Variants in ENTREP2 observed in about 807,000 individuals in gnomAD.
The protein encoded by ENTREP2 is endosomal transmembrane epsin interactor 2.
At chr15:29,361,102 ACT>A in the ENTREP2 span, among the ~76,000 whole-genome samples, 1 of 151,870 alleles carries the variant, frequency 6.6e-6, no homozygotes, top group Non-Finnish European at 1.5e-5. Context: ...CAAGGAGTCT[ACT>A]CTCTGATCTA....
chr15:29,288,309 T>G, the ENTREP2 span, among the ~76,000 whole-genome samples: 1 of 152,208 alleles, frequency 6.6e-6, no homozygotes, highest in Non-Finnish European at 1.5e-5. Context: ...CAATGCTGTT[T>G]TAGGCAAGTC....
chr15:29,415,146 A>G, the ENTREP2 span, among the ~76,000 whole-genome samples: 1 of 152,192 alleles, frequency 6.6e-6, no homozygotes, highest in African/African-American at 2.4e-5. Context: ...CCCCTAACTC[A>G]TTTTATGAGG....
At chr15:29,318,053 C>T in the ENTREP2 span, among the ~76,000 whole-genome samples, 4 of 151,994 alleles carry the variant, frequency 2.6e-5, no homozygotes, top group South Asian at 2.1e-4. Context: ...GTAAATTTTC[C>T]GCGTTTCCAG....
chr15:29,231,138 AG>A, the ENTREP2 span, among the ~76,000 whole-genome samples: 1 of 152,328 alleles, frequency 6.6e-6, no homozygotes, highest in African/African-American at 2.4e-5. Context: ...GTAAAAACTC[AG>A]GATTTAATCT....
At chr15:29,369,287 A>G in the ENTREP2 span, among the ~76,000 whole-genome samples, 1 of 152,316 alleles carries the variant, frequency 6.6e-6, no homozygotes, top group East Asian at 1.9e-4. Flanking sequence ...CATATCATAA[A>G]CAAACTGTCA....
the ENTREP2 span, among the ~76,000 whole-genome samples, chr15:29,489,013 C>T: frequency 9.8e-3 from 1,486 of 152,152 alleles, 30 homozygotes; most frequent in African/African-American, 0.033. Context: ...CCTCTGGAGA[C>T]AATGAAAATA....
chr15:29,215,704 A>G, the ENTREP2 span, among the ~76,000 whole-genome samples: 1 of 152,038 alleles, frequency 6.6e-6, no homozygotes, highest in African/African-American at 2.4e-5. Context: ...TTTGTCTGAT[A>G]TAAGAATAGC....
At chr15:29,488,188 A>G in the ENTREP2 span, among the ~76,000 whole-genome samples, 6 of 152,224 alleles carry the variant, frequency 3.9e-5, no homozygotes, top group African/African-American at 1.4e-4. Context: ...AAATCAGGAT[A>G]AGAATGTATG....
At chr15:29,157,919 C>T in the ENTREP2 span, among the ~76,000 whole-genome samples, 9 of 152,008 alleles carry the variant, frequency 5.9e-5, no homozygotes, top group East Asian at 3.9e-4. Flanking sequence ...TTAGTAGAGA[C>T]GGGGTTTCAC....
chr15:29,667,485 G>A, the ENTREP2 span, among the ~76,000 whole-genome samples: 37 of 139,736 alleles, frequency 2.6e-4, no homozygotes, highest in African/African-American at 9.0e-4. Flanking sequence ...ACTGCGCCTG[G>A]CCTTTTTTTT....
the ENTREP2 span, among the ~76,000 whole-genome samples, chr15:29,460,897 G>T: frequency 1.3e-5 from 2 of 152,096 alleles, no homozygotes; most frequent in Non-Finnish European, 2.9e-5. Context: ...AATTTTCTAC[G>T]AACTCTAGCA....
At chr15:29,527,794 T>C in the ENTREP2 span, among the ~76,000 whole-genome samples, 1 of 152,102 alleles carries the variant, frequency 6.6e-6, no homozygotes, top group South Asian at 2.1e-4. Flanking sequence ...CCCCAGGAAA[T>C]TCACCCCAGG....
chr15:29,404,484 C>T, the ENTREP2 span, among the ~76,000 whole-genome samples: 2 of 152,128 alleles, frequency 1.3e-5, no homozygotes, highest in Non-Finnish European at 2.9e-5. Context: ...CCCCCTTCAG[C>T]ACCCAGCAGG....
chr15:29,360,490 G>T, the ENTREP2 span, among the ~76,000 whole-genome samples: 1 of 152,160 alleles, frequency 6.6e-6, no homozygotes, highest in Non-Finnish European at 1.5e-5. Flanking sequence ...GTGAACTATA[G>T]ATTAATTTTG....
At chr15:29,373,281 A>G in the ENTREP2 span, among the ~76,000 whole-genome samples, 1 of 152,162 alleles carries the variant, frequency 6.6e-6, no homozygotes, top group Non-Finnish European at 1.5e-5. Flanking sequence ...TAAGAAAATG[A>G]CATATTAATA....
chr15:29,492,773 G>A, the ENTREP2 span, among the ~76,000 whole-genome samples: 1 of 152,126 alleles, frequency 6.6e-6, no homozygotes, highest in Non-Finnish European at 1.5e-5. Context: ...GGAGGCCAAA[G>A]CAGGTAGATC....
At chr15:29,304,381 C>T in the ENTREP2 span, among the ~76,000 whole-genome samples, 25 of 152,322 alleles carry the variant, frequency 1.6e-4, 1 homozygote, top group South Asian at 3.9e-3. Context: ...AAACTGACCA[C>T]ACAATCAGCC....
At chr15:29,606,425 G>A in the ENTREP2 span, among the ~76,000 whole-genome samples, 4 of 151,436 alleles carry the variant, frequency 2.6e-5, no homozygotes, top group South Asian at 2.1e-4. Flanking sequence ...TAGTAGAGAC[G>A]GGGTTTCACC....
the ENTREP2 span, among the ~76,000 whole-genome samples, chr15:29,463,263 T>C: frequency 1.3e-5 from 2 of 152,150 alleles, no homozygotes; most frequent in African/African-American, 2.4e-5. Context: ...CACTTCCACC[T>C]GTCTCATGAA....
Sources: allele counts gnomAD v4.1 joint callset (sites outside exome capture counted in the v4.1 genomes callset), GRCh38; gene constraint gnomAD v4.1.1; transcripts MANE v1.5; gene names NCBI Gene and HGNC (gene_info 2026-07-23, HGNC 2026-07-21).